Variants in NRP1 observed in about 807,000 individuals in gnomAD.
NRP1 encodes neuropilin 1.
A neutral mutation model predicts 106.7 loss-of-function variants in NRP1; 35 were observed. That is an observed-to-expected ratio of 0.33 (90% CI 0.25 to 0.43). The LOEUF (loss-of-function observed/expected upper bound fraction) is 0.43, where lower values mean the gene tolerates loss of function less well. Among genes scored for constraint, NRP1 ranks in the 20% least tolerant of loss-of-function variants. The pLI is 1.00. For missense variants in NRP1, 1,024 were observed against 1,170.4 expected, an observed-to-expected ratio of 0.87 and a Z score of 1.83; for synonymous variants, 437 against 417.9, an observed-to-expected ratio of 1.05 and a Z score of -0.56.
chr10:33,225,970 G>T (rs935577886), intron 7 of NRP1, among the ~76,000 whole-genome samples, 164 bp downstream of exon 7: 2 of 152,152 alleles, frequency 1.3e-5, no homozygotes, highest in African/African-American at 4.8e-5. Context: ...CTGGATCTGG[G>T]AACATGAGAC....
chr10:33,325,197 C>G (rs1462720390), intron 2 of NRP1, among the ~76,000 whole-genome samples: 1 of 152,080 alleles, frequency 6.6e-6, no homozygotes, highest in Non-Finnish European at 1.5e-5. Context: ...GGTATATATT[C>G]TTCTCTATTT....
At chr10:33,189,887 A>G (rs1406752391) in intron 13 of NRP1, among the ~76,000 whole-genome samples, 10 of 152,222 alleles carry the variant, frequency 6.6e-5, no homozygotes, top group Admixed American at 5.9e-4. Context: ...CCCGTTAACA[A>G]GTAGTTCCTG....
chr10:33,240,640 T>C (rs1840938726), intron 6 of NRP1, among the ~76,000 whole-genome samples: 1 of 152,154 alleles, frequency 6.6e-6, no homozygotes, highest in African/African-American at 2.4e-5. Flanking sequence ...GTGATCTAGG[T>C]GGGCCTCTCC....
At chr10:33,229,473 A>G (rs1416304373) in intron 6 of NRP1, among the ~76,000 whole-genome samples, 2 of 152,202 alleles carry the variant, frequency 1.3e-5, no homozygotes, top group African/African-American at 4.8e-5. Flanking sequence ...AGGAAGCATG[A>G]AGCAGAGCTA....
At chr10:33,185,481 G>A in intron 15 of NRP1, 147 bp downstream of exon 15, 1 of 615,474 alleles carries the variant, frequency 1.6e-6, no homozygotes, top group Non-Finnish European at 2.9e-6. Flanking sequence ...TGTATGCCCT[G>A]TTGCACCAGA....
chr10:33,192,329 T>C lies in NRP1; in HGVS notation c.2014A>G (p.Lys672Glu). 1 of 1,613,548 alleles carries C rather than the reference T, an allele frequency of 6.2e-7. No homozygotes were observed. Among genetic ancestry groups the C allele is most frequent in the Non-Finnish European group, 8.5e-7 (1 of 1,179,568 alleles). The change falls in exon 13 of 17, where the codon AAG becomes GAG. Residue 672 changes from lysine to glutamate, a missense_variant. Lys to Glu is a moderately conservative substitution (Grantham distance 56). This residue lies in a region of NRP1 where 562 missense variants were observed against 620.3 expected (regional missense o/e 0.91). Transcript: ENST00000374867. The stretch of plus-strand genomic sequence containing the variant: ...GTCTTGCTGGTCAACACACTCCACT[T>C]GAGCTGCACGTGATTGTCATGTTCC... ...HWEHDNHVQLKWSVLTSKTGP... is the reference protein window; with the variant it reads ...HWEHDNHVQLEWSVLTSKTGP...
chr10:33,268,356 G>A (rs1843067034), intron 3 of NRP1, among the ~76,000 whole-genome samples: 1 of 152,134 alleles, frequency 6.6e-6, no homozygotes, highest in Admixed American at 6.5e-5. Context: ...GGCCTATTTG[G>A]TTAATGGCAG....
intron 4 of NRP1, among the ~76,000 whole-genome samples, chr10:33,257,024 A>T (rs1842242552): frequency 6.6e-6 from 1 of 152,220 alleles, no homozygotes; most frequent in Non-Finnish European, 1.5e-5. Flanking sequence ...ATTATGATAA[A>T]CATAACAGGC....
At chr10:33,317,717 A>G (rs1179959978) in intron 2 of NRP1, among the ~76,000 whole-genome samples, 1 of 152,208 alleles carries the variant, frequency 6.6e-6, no homozygotes, top group Non-Finnish European at 1.5e-5. Flanking sequence ...TAAGTCATTG[A>G]TGCTATTATC....
intron 6 of NRP1, chr10:33,249,532 G>A (rs1447685820): frequency 1.9e-6 from 1 of 528,340 alleles, no homozygotes; most frequent in East Asian, 5.5e-5. Context: ...CTGATACACG[G>A]AGTCTGTATT....
intron 10 of NRP1, among the ~76,000 whole-genome samples, chr10:33,203,393 G>A (rs925176794): frequency 1.3e-5 from 2 of 152,040 alleles, no homozygotes; most frequent in African/African-American, 2.4e-5. Flanking sequence ...GCACTCACTT[G>A]TCATAAATTC....
intron 11 of NRP1, among the ~76,000 whole-genome samples, chr10:33,200,666 A>T (rs2247486): frequency 1.3e-5 from 2 of 152,146 alleles, no homozygotes; most frequent in East Asian, 3.9e-4. Context: ...AGCAAAACCT[A>T]TGCCAGAATT....
At chr10:33,205,983 G>A in intron 10 of NRP1, 1 of 242,118 alleles carries the variant, frequency 4.1e-6, no homozygotes, top group Non-Finnish European at 8.5e-6. Flanking sequence ...TCCTCCTAAA[G>A]TTAGTTTGGC....
chr10:33,206,447 A>G (rs990014104), intron 10 of NRP1: 36 of 400,558 alleles, frequency 9.0e-5, no homozygotes, highest in Non-Finnish European at 1.6e-4. Flanking sequence ...AAATAAACAC[A>G]TTGAAAAGTA....
At chr10:33,243,632 A>G (rs906087206) in intron 6 of NRP1, among the ~76,000 whole-genome samples, 2 of 136,682 alleles carry the variant, frequency 1.5e-5, no homozygotes, top group African/African-American at 5.7e-5. Flanking sequence ...AATGCCATAC[A>G]TAAGTGCATT....
At position 33,185,647 on chromosome 10, in the gene NRP1, A is replaced by G. The variant is rs1458145835; in HGVS notation, c.2412T>C (p.Ile804=). 1 of 1,613,780 alleles carries G rather than the reference A, an allele frequency of 6.2e-7. No individual in the cohort carries two copies. Among genetic ancestry groups the G allele is most frequent in the East Asian group, 2.2e-5 (1 of 44,882 alleles). ...AVDDISINNH[I]SQEDCAKPAD... The stretch of plus-strand genomic sequence containing the variant: ...ACTTACTTGCACAATCTTCTTGTGA[A>G]ATGTGGTTATTAATACTAATGTCAT... Residue 804 remains isoleucine (I), a synonymous_variant, in exon 15 of 17, where the codon ATT becomes ATC. Transcript: ENST00000374867.
At chr10:33,227,624 A>G (rs1194390171) in intron 6 of NRP1, among the ~76,000 whole-genome samples, 1 of 149,850 alleles carries the variant, frequency 6.7e-6, no homozygotes, top group Non-Finnish European at 1.5e-5. Context: ...CAGTGGAAAA[A>G]CTCCTCAACA....
intron 10 of NRP1, among the ~76,000 whole-genome samples, chr10:33,206,554 A>G (rs1056666537): frequency 4.1e-5 from 6 of 145,374 alleles, no homozygotes; most frequent in African/African-American, 1.2e-4. Flanking sequence ...GAATGTAATT[A>G]TATTTGGTAG....
intron 2 of NRP1, among the ~76,000 whole-genome samples, chr10:33,292,506 T>A (rs1845071704): frequency 6.6e-6 from 1 of 152,158 alleles, no homozygotes; most frequent in African/African-American, 2.4e-5. Flanking sequence ...ATTCCAAATA[T>A]AAGTAGAGAG....
Sources: gnomAD v4.1 joint callset for allele counts (sites outside exome capture counted in the v4.1 genomes callset) on GRCh38, gnomAD v4.1.1 for gene constraint, gnomAD v4.1.1 regional missense constraint, MANE v1.5 for transcripts, NCBI Gene and HGNC (gene_info 2026-07-23, HGNC 2026-07-21) for gene names.